Variants in PCDHGB1 observed in about 807,000 individuals in gnomAD.
The protein encoded by PCDHGB1 is protocadherin gamma-B1.
PCDHGB1 carries 34 observed loss-of-function variants against 56.6 expected under a neutral mutation model. The observed-to-expected ratio is 0.60, with a 90% CI of 0.46 to 0.80. The LOEUF is 0.80. Ranked by LOEUF, PCDHGB1 falls within the 30% of genes least tolerant of loss-of-function variation. The pLI, the probability that PCDHGB1 is intolerant of heterozygous loss-of-function variation, is 0.00. For synonymous variants in PCDHGB1, 561 were observed against 505.9 expected (o/e 1.11, Z -1.46); for missense variants, 1,278 against 1,204.6 (o/e 1.06, Z -0.90).
chr5:141,352,385 C>G lies in PCDHGB1; in HGVS notation c.2125C>G (p.Leu709Val). 6.2e-7 allele frequency: 1 copy of G among 1,614,052 alleles called. No individual in the cohort carries two copies. Among genetic ancestry groups the G allele is most frequent in the Non-Finnish European group, 8.5e-7 (1 of 1,179,904 alleles). ...CCTCGCGGTGATTCTAGCGATCGCC[C>G]TGCGCCTGCGACGTTCCTCCAGCCT... ...FLLAVILAIA[L>V]RLRRSSSLDT... Residue 709 changes from leucine (L) to valine (V), a missense_variant, in exon 1 of 4, where the codon CTG (leucine) becomes GTG (valine). By Grantham distance (32) the Leu-to-Val change is conservative. Coordinates refer to ENST00000523390, the MANE Select transcript of PCDHGB1 (RefSeq NM_018922.3).
chr5:141,423,121 G>T lies in PCDHGB1; in HGVS notation c.2409+70452G>T, dbSNP rs368205535. The T allele has an allele frequency of 5.6e-6, 9 of 1,613,680 alleles. No homozygotes were observed. The African/African-American group carries it at 1.1e-4, about 19-fold the overall frequency. ...CACGGGCGAGGTGCGTACAGCGCGG[G>T]CACTGCTGGACAGAGACGCGCTCAA... On this transcript the variant is annotated intron_variant, in intron 1 of 3. Coordinates refer to ENST00000523390, the MANE Select transcript of PCDHGB1 (RefSeq NM_018922.3).
chr5:141,355,809 G>C, intron 1 of PCDHGB1: 1 of 1,613,206 alleles, frequency 6.2e-7, no homozygotes, highest in Non-Finnish European at 8.5e-7. Flanking sequence ...TAGATCGCGA[G>C]GAAGAGGCGG....
At chr5:141,423,102 C>A (rs778561065) in intron 1 of PCDHGB1, 2 of 1,613,802 alleles carry the variant, frequency 1.2e-6, no homozygotes, top group Non-Finnish European at 1.7e-6. Flanking sequence ...AGCACACGGG[C>A]GAGGTGCGTA....
chr5:141,389,645 C>A, intron 1 of PCDHGB1: 1 of 1,612,912 alleles, frequency 6.2e-7, no homozygotes, highest in Non-Finnish European at 8.5e-7. Context: ...ACTTGGTGAC[C>A]AAGGTAGTGG....
intron 1 of PCDHGB1, chr5:141,360,769 C>T (rs1427744238): frequency 6.2e-7 from 1 of 1,613,942 alleles, no homozygotes; most frequent in African/African-American, 1.3e-5. Flanking sequence ...TCAATTGGTC[C>T]TCACAGCTGT....
chr5:141,403,088 G>C (rs1561685667), intron 1 of PCDHGB1: 2 of 1,614,030 alleles, frequency 1.2e-6, no homozygotes, highest in Non-Finnish European at 1.7e-6. Context: ...CTATATTGTG[G>C]GCAACATCTC....
intron 1 of PCDHGB1, chr5:141,393,457 C>T (rs780177231): frequency 1.9e-6 from 3 of 1,614,050 alleles, no homozygotes; most frequent in East Asian, 2.2e-5. Flanking sequence ...CTCACGGCCT[C>T]GGATGGCGGC....
At chr5:141,469,126 A>T (rs2099191838) in intron 1 of PCDHGB1, among the ~76,000 whole-genome samples, 1 of 151,470 alleles carries the variant, frequency 6.6e-6, no homozygotes, top group African/African-American at 2.4e-5. Context: ...AAATTTAAAA[A>T]TTAGCCAGAA....
In PCDHGB1 at chr5:141,352,156, C is replaced by T. The variant is rs772470884; in HGVS notation, c.1896C>T (p.Asp632=). ...CAGCGCGTGCCTTGGGCGACAGGGACGCGGCCCGCCAGCGCCTGCTGGTCG... is the reference window on the plus strand; with the variant it reads ...CAGCGCGTGCCTTGGGCGACAGGGATGCGGCCCGCCAGCGCCTGCTGGTCG... ...VRTARALGDR[D]AARQRLLVAV... The change falls in exon 1 of 4, where the codon GAC becomes GAT. Residue 632 remains aspartate, a synonymous_variant. Coordinates refer to ENST00000523390, the MANE Select transcript of PCDHGB1 (RefSeq NM_018922.3). 19 of 1,612,702 alleles carry T rather than the reference C, an allele frequency of 1.2e-5. No individual in the cohort carries two copies. The South Asian group carries it at 2.1e-4, about 18-fold the overall frequency.
At chr5:141,381,512 A>T (rs1777240689) in intron 1 of PCDHGB1, among the ~76,000 whole-genome samples, 1 of 152,218 alleles carries the variant, frequency 6.6e-6, no homozygotes, top group Non-Finnish European at 1.5e-5. Context: ...ATAGAGTAGG[A>T]TGAAGATTTG....
At chr5:141,467,460 T>G (rs1354012953) in intron 1 of PCDHGB1, among the ~76,000 whole-genome samples, 1 of 152,246 alleles carries the variant, frequency 6.6e-6, no homozygotes. Context: ...CCAGTGCTAG[T>G]ACTTGCATGG....
At chr5:141,361,057 G>T (rs768644219) in intron 1 of PCDHGB1, 2 of 1,613,830 alleles carry the variant, frequency 1.2e-6, no homozygotes, top group Non-Finnish European at 1.7e-6. Context: ...GGATGATTTG[G>T]ATTTTGAGAT....
intron 1 of PCDHGB1, chr5:141,388,992 C>A: frequency 6.2e-7 from 1 of 1,613,952 alleles, no homozygotes; most frequent in Non-Finnish European, 8.5e-7. Flanking sequence ...GCTCAAAGTC[C>A]GTGACAAGGA....
intron 1 of PCDHGB1, chr5:141,400,128 G>A: frequency 6.2e-7 from 1 of 1,614,080 alleles, no homozygotes; most frequent in South Asian, 1.1e-5. Flanking sequence ...TGCAGGAGGT[G>A]CTGCCGGATA....
At position 141,365,186 on chromosome 5, in the gene PCDHGB1, G is replaced by A. The variant is rs775485996; in HGVS notation, c.2409+12517G>A. ...GACCTACTCTTTTCGCAATGAAGAA[G>A]AAAAAATTTCGGAGACTTTCCAACT... On this transcript the variant is annotated intron_variant, in intron 1 of 3. Transcript: ENST00000523390. 8.1e-6 allele frequency: 13 copies of A among 1,613,880 alleles called. 1 individual carries two copies. In the South Asian group the frequency reaches 1.1e-4, roughly 14 times the overall value.
At chr5:141,414,042 T>A (rs758538745) in intron 1 of PCDHGB1, 1 of 1,611,324 alleles carries the variant, frequency 6.2e-7, no homozygotes, top group South Asian at 1.1e-5. Flanking sequence ...GAAAATTACC[T>A]GACACGCAAT....
chr5:141,350,282 G>A lies in PCDHGB1; in HGVS notation c.22G>A (p.Glu8Lys), dbSNP rs199858823. The A allele has an allele frequency of 1.4e-4, 219 of 1,511,982 alleles. No homozygotes were observed. The highest frequency in any genetic ancestry group is 1.8e-4 in the Non-Finnish European group (209 of 1,131,720). 93.7% of individuals were successfully genotyped at this position (1,511,982 alleles called of 1,614,324 possible). A position where few individuals can be genotyped will look rare whatever the true frequency, so the allele number is the denominator to read the frequency against. Residue 8 changes from glutamate to lysine, a missense_variant, in exon 1 of 4, where the codon GAA becomes AAA. Transcript: ENST00000523390. MQRAREA[E>K]MMKSQVLFPF... The stretch of plus-strand genomic sequence containing the variant: ...TGAAATGCAGAGAGCCAGAGAAGCC[G>A]AAATGATGAAAAGTCAGGTACTGTT...
intron 1 of PCDHGB1, chr5:141,394,275 A>T: frequency 6.2e-7 from 1 of 1,613,910 alleles, no homozygotes; most frequent in Non-Finnish European, 8.5e-7. Context: ...TGCCCAGGTC[A>T]CTTACTCTGT....
chr5:141,419,455 G>A lies in PCDHGB1; in HGVS notation c.2409+66786G>A, dbSNP rs770156844. 8.1e-6 allele frequency: 13 copies of A among 1,612,598 alleles called. No homozygotes were observed. The African/African-American group carries it at 1.7e-4, about 22-fold the overall frequency. ...AGCTGCGCACCTTCGAGCTCACGCT[G>A]CAGGCCCGCGACCAGGGCTCGCCCG... is the stretch of plus-strand genomic sequence containing the variant. On this transcript the variant is annotated intron_variant, in intron 1 of 3. Coordinates refer to ENST00000523390, the MANE Select transcript of PCDHGB1 (RefSeq NM_018922.3).
Sources: allele counts gnomAD v4.1 joint callset (sites outside exome capture counted in the v4.1 genomes callset), GRCh38; gene constraint gnomAD v4.1.1; transcripts MANE v1.5; gene names NCBI Gene and HGNC (gene_info 2026-07-23, HGNC 2026-07-21).